PLEKHM3: variants seen among roughly 807,000 people sequenced by gnomAD.
The protein encoded by PLEKHM3 is pleckstrin homology domain-containing family M member 3.
In PLEKHM3, 45 loss-of-function variants were observed where a neutral mutation model predicts 81.8. The observed-to-expected ratio is 0.55, with a 90% confidence interval of 0.43 to 0.71. The LOEUF (loss-of-function observed/expected upper bound fraction) is 0.71. PLEKHM3 is among the 30% of genes least tolerant of loss of function. The pLI, the probability that PLEKHM3 is intolerant of heterozygous loss-of-function variation, is 0.00. For missense variants in PLEKHM3, 788 were observed against 924.3 expected (o/e 0.85, Z 1.91); for synonymous variants, 352 against 356.4 (o/e 0.99, Z 0.14).
chr2:208,005,812 C>T (rs1692474755), intron 1 of PLEKHM3, among the ~76,000 whole-genome samples: 1 of 152,218 alleles, frequency 6.6e-6, no homozygotes. Flanking sequence ...TTGGCACACA[C>T]ACACACGCAT....
At position 207,824,286 on chromosome 2, in the gene PLEKHM3, T is replaced by C. The variant is rs2092236101; in HGVS notation, c.*4033A>G. 2.0e-5 allele frequency: 3 copies of C among 152,092 alleles called. No homozygotes were observed. The highest frequency in any genetic ancestry group is 2.1e-4 in the South Asian group (1 of 4,820). The allele number at this position is 152,092 out of a possible 1,614,324, so 9.4% of individuals were successfully genotyped here. Reference sequence around the variant, plus strand: ...GGTGCAGACAACTCAAGAAATAAAATGGGCAAAAATTATACACATCTCTAT... The same window carrying C: ...GGTGCAGACAACTCAAGAAATAAAACGGGCAAAAATTATACACATCTCTAT... On this transcript the variant is annotated 3_prime_UTR_variant, in exon 8 of 8. Coordinates refer to ENST00000427836, the MANE Select transcript of PLEKHM3 (RefSeq NM_001080475.3).
intron 3 of PLEKHM3, among the ~76,000 whole-genome samples, chr2:207,951,758 A>G (rs565352950): frequency 1.3e-5 from 2 of 152,304 alleles, no homozygotes; most frequent in East Asian, 1.9e-4. Flanking sequence ...CAAAAGCACC[A>G]TCTTTCTTCT....
rs552235904 is a variant in PLEKHM3, at chr2:207,979,174, A to G, written c.611-1588T>C. Among the ~76,000 whole-genome samples, 30 of 152,264 alleles carry G rather than the reference A, an allele frequency of 2.0e-4. No homozygotes were observed. In the South Asian group the frequency reaches 6.2e-3, roughly 32 times the overall value. ...TAATCAATGATTAGCTGCAATATAT[A>G]CTAGTTTAGTACTTAATAAAAGGGG... On this transcript the variant is annotated intron_variant, in intron 2 of 7. Transcript: ENST00000427836.
intron 6 of PLEKHM3, among the ~76,000 whole-genome samples, chr2:207,875,465 G>T (rs938108677): frequency 1.3e-5 from 2 of 152,216 alleles, no homozygotes; most frequent in Admixed American, 6.5e-5. Context: ...TATTAAATTG[G>T]TTCTACCTTT....
At chr2:207,829,988 A>AGT (rs1176232619) in intron 7 of PLEKHM3, among the ~76,000 whole-genome samples, 5 of 151,992 alleles carry the variant, frequency 3.3e-5, no homozygotes, top group Non-Finnish European at 4.4e-5. Context: ...GAGAGGAGGC[A>AGT]GTGACTTGGA....
At chr2:207,957,675 G>A (rs1690563303) in intron 3 of PLEKHM3, among the ~76,000 whole-genome samples, 1 of 152,126 alleles carries the variant, frequency 6.6e-6, no homozygotes, top group African/African-American at 2.4e-5. Context: ...TCCAGCCTAG[G>A]TGACAGAGCG....
chr2:207,916,145 T>C (rs748188926), intron 5 of PLEKHM3, among the ~76,000 whole-genome samples: 10 of 152,170 alleles, frequency 6.6e-5, no homozygotes, highest in East Asian at 1.9e-4. Flanking sequence ...GCAAATCTCA[T>C]TGGCTGAAAA....
At chr2:207,834,146 G>A (rs958158226) in intron 7 of PLEKHM3, among the ~76,000 whole-genome samples, 22 of 69,604 alleles carry the variant, frequency 3.2e-4, no homozygotes, top group African/African-American at 1.1e-3. Flanking sequence ...TTTTTTTTTT[G>A]AGACAGAGTT....
At chr2:207,958,148 C>T (rs894067993) in intron 3 of PLEKHM3, among the ~76,000 whole-genome samples, 16 of 152,178 alleles carry the variant, frequency 1.1e-4, no homozygotes, top group Non-Finnish European at 1.9e-4. Flanking sequence ...CCATCTATTA[C>T]GGGAAGGAGG....
chr2:207,866,647 G>C (rs2092502728), intron 6 of PLEKHM3, among the ~76,000 whole-genome samples: 1 of 152,156 alleles, frequency 6.6e-6, no homozygotes, highest in African/African-American at 2.4e-5. Context: ...TGTACCTCCT[G>C]TTGTGAGCAA....
chr2:207,948,832 C>T (rs1455682205), intron 3 of PLEKHM3, among the ~76,000 whole-genome samples: 3 of 152,162 alleles, frequency 2.0e-5, no homozygotes, highest in African/African-American at 4.8e-5. Context: ...CGTGAGCCAC[C>T]GCGCCTGGCC....
At chr2:207,901,055 C>T (rs1481317400) in intron 6 of PLEKHM3, 11 of 568,958 alleles carry the variant, frequency 1.9e-5, no homozygotes, top group East Asian at 8.6e-5. Context: ...CAGCCTCAAC[C>T]GGTATTGTTG....
At chr2:207,875,194 G>A (rs1003891278) in intron 6 of PLEKHM3, among the ~76,000 whole-genome samples, 2 of 151,832 alleles carry the variant, frequency 1.3e-5, no homozygotes, top group African/African-American at 2.4e-5. Context: ...TATACACAAA[G>A]CTCTCTTAAA....
rs770483671 is a variant in PLEKHM3 at position 207,976,403 on chromosome 2, T to C, written c.1546+248A>G. 1.3e-5 allele frequency among the ~76,000 whole-genome samples: 2 copies of C among 152,242 alleles called. No individual in the cohort carries two copies. The highest frequency in any genetic ancestry group is 2.9e-5 in the Non-Finnish European group (2 of 68,042). On this transcript the variant is annotated intron_variant, in intron 3 of 7. Coordinates refer to ENST00000427836, the MANE Select transcript of PLEKHM3 (RefSeq NM_001080475.3). The surrounding 1 kb of genome is among the most constrained non-coding windows in gnomAD (Gnocchi z 4.1). Reference sequence around the variant, plus strand: ...TTAAGCTTTAGCCAAATCATTTTGATTCAACAGGATATATCATAGCTGCTT... The same window carrying C: ...TTAAGCTTTAGCCAAATCATTTTGACTCAACAGGATATATCATAGCTGCTT...
intron 2 of PLEKHM3, among the ~76,000 whole-genome samples, chr2:207,986,917 C>T (rs1036350046): frequency 6.7e-6 from 1 of 149,094 alleles, no homozygotes; most frequent in Non-Finnish European, 1.5e-5. Context: ...TGGGCTCAAG[C>T]AATCCTATTG....
At chr2:207,925,128 GGTT>G (rs1336695794) in intron 5 of PLEKHM3, among the ~76,000 whole-genome samples, 1 of 149,994 alleles carries the variant, frequency 6.7e-6, no homozygotes, top group African/African-American at 2.5e-5. Context: ...GTATGAACAG[GGTT>G]GTTTTTTTGT....
At chr2:207,989,598 T>G (rs1691832326) in intron 2 of PLEKHM3, among the ~76,000 whole-genome samples, 2 of 152,160 alleles carry the variant, frequency 1.3e-5, no homozygotes, top group Non-Finnish European at 2.9e-5. Context: ...ATCTGAGTCC[T>G]CATCACACAT....
At chr2:207,956,407 A>G (rs780295191) in intron 3 of PLEKHM3, among the ~76,000 whole-genome samples, 44 of 152,044 alleles carry the variant, frequency 2.9e-4, no homozygotes, top group Non-Finnish European at 3.5e-4. Flanking sequence ...CAGGAGGCGG[A>G]GGTTGCAGTG....
intron 4 of PLEKHM3, among the ~76,000 whole-genome samples, chr2:207,941,204 C>T (rs1280178615): frequency 6.6e-6 from 1 of 152,164 alleles, no homozygotes; most frequent in Non-Finnish European, 1.5e-5. Context: ...CACCTACTTG[C>T]TCCCAGGTAA....
Sources: gnomAD v4.1 joint callset for allele counts (sites outside exome capture counted in the v4.1 genomes callset) on GRCh38, gnomAD v4.1.1 for gene constraint, Gnocchi (gnomAD v3.1) non-coding constraint, MANE v1.5 for transcripts, NCBI Gene and HGNC (gene_info 2026-07-23, HGNC 2026-07-21) for gene names.